ABTB2: variants seen among roughly 807,000 people sequenced by gnomAD.
ABTB2 encodes ankyrin repeat and BTB/POZ domain-containing protein 2.
ABTB2 carries 56 observed loss-of-function variants against 104.1 expected under a neutral mutation model. The ratio of observed to expected loss-of-function variants is 0.54; its 90% CI spans 0.43 to 0.67. ABTB2 has a LOEUF of 0.67. ABTB2 is among the 30% of genes least tolerant of loss of function. The probability of loss-of-function intolerance (pLI) is 0.00; values close to 1 mark genes in which losing one functional copy is unlikely to be tolerated. For synonymous variants in ABTB2, 606 were observed against 608.2 expected (o/e 1.00, Z 0.05); for missense variants, 1,279 against 1,407.7 (o/e 0.91, Z 1.46).
chr11:34,264,198 G>A (rs559681090), intron 1 of ABTB2, among the ~76,000 whole-genome samples: 1 of 152,308 alleles, frequency 6.6e-6, no homozygotes, highest in Non-Finnish European at 1.5e-5. Context: ...CCTGAATAGG[G>A]AGTATAGTGA....
intron 14 of ABTB2, among the ~76,000 whole-genome samples, chr11:34,157,683 G>A (rs1363346501): frequency 6.6e-6 from 1 of 152,138 alleles, no homozygotes; most frequent in Non-Finnish European, 1.5e-5. Context: ...GCTTATGCCA[G>A]ACCCTGGGCC....
chr11:34,166,471 G>A (rs1357676586), intron 7 of ABTB2, among the ~76,000 whole-genome samples: 1 of 152,250 alleles, frequency 6.6e-6, no homozygotes. Flanking sequence ...GGCAAAGGCG[G>A]CAGGATGTGG....
chr11:34,286,407 C>T (rs1327182308), intron 1 of ABTB2, among the ~76,000 whole-genome samples: 2 of 152,142 alleles, frequency 1.3e-5, no homozygotes, highest in African/African-American at 4.8e-5. Context: ...ATTCTCCCGC[C>T]TCAGCCTCCT....
intron 1 of ABTB2, among the ~76,000 whole-genome samples, chr11:34,269,068 C>T (rs1009964078): frequency 3.9e-5 from 6 of 152,220 alleles, no homozygotes; most frequent in African/African-American, 1.4e-4. Context: ...CTTTGTGTTT[C>T]TTGCCAGTTT....
chr11:34,208,301 A>G (rs1405758381), intron 1 of ABTB2, among the ~76,000 whole-genome samples: 2 of 152,210 alleles, frequency 1.3e-5, no homozygotes, highest in Admixed American at 6.5e-5. Context: ...AAATCCTTAG[A>G]AAAAAATTCT....
chr11:34,301,536 A>G (rs1215998449), intron 1 of ABTB2, among the ~76,000 whole-genome samples: 3 of 152,260 alleles, frequency 2.0e-5, no homozygotes, highest in African/African-American at 7.2e-5. Flanking sequence ...CTCAACACTG[A>G]AAGAAGAGAA....
chr11:34,176,032 A>G (rs2955939), intron 3 of ABTB2, among the ~76,000 whole-genome samples: 13,693 of 152,276 alleles, frequency 0.09, 645 homozygotes, highest in Admixed American at 0.11. Flanking sequence ...CTGTAATCCC[A>G]GCACTTTGGT....
intron 3 of ABTB2, among the ~76,000 whole-genome samples, chr11:34,194,580 A>G (rs1853223383): frequency 6.6e-6 from 1 of 152,206 alleles, no homozygotes; most frequent in African/African-American, 2.4e-5. Flanking sequence ...GGCCCAGCCC[A>G]GCCTGCAGTA....
intron 3 of ABTB2, among the ~76,000 whole-genome samples, chr11:34,176,279 CAAAAAAAAAAA>C (rs58009507): frequency 5.3e-5 from 4 of 74,830 alleles, no homozygotes; most frequent in South Asian, 5.5e-4. Flanking sequence ...GACTCCGTCT[CAAAAAAAAAAA>C]AAAAAAAAAA....
intron 3 of ABTB2, 51 bp from the exon 4 acceptor site, chr11:34,173,358 C>A: frequency 6.6e-7 from 1 of 1,518,450 alleles, no homozygotes; most frequent in Non-Finnish European, 8.9e-7. Context: ...CCCTGCAGGG[C>A]AGCAGAGAGA....
At chr11:34,320,402 C>T (rs978582952) in intron 1 of ABTB2, among the ~76,000 whole-genome samples, 4 of 152,176 alleles carry the variant, frequency 2.6e-5, no homozygotes, top group East Asian at 3.9e-4. Context: ...ACTCAGTGGC[C>T]GAAGCAGTCT....
chr11:34,271,998 C>T, intron 1 of ABTB2, among the ~76,000 whole-genome samples: 1 of 152,082 alleles, frequency 6.6e-6, no homozygotes, highest in Non-Finnish European at 1.5e-5. Context: ...ATCCATATAC[C>T]AGGTGCTTTT....
At chr11:34,229,901 C>T (rs982657927) in intron 1 of ABTB2, among the ~76,000 whole-genome samples, 2 of 152,172 alleles carry the variant, frequency 1.3e-5, no homozygotes, top group Non-Finnish European at 2.9e-5. Flanking sequence ...ATCTTTGGAA[C>T]GGGCCTTTAA....
At chr11:34,313,316 T>C (rs909682301) in intron 1 of ABTB2, among the ~76,000 whole-genome samples, 11 of 152,198 alleles carry the variant, frequency 7.2e-5, no homozygotes, top group African/African-American at 2.4e-4. Flanking sequence ...GAGTGTCCCA[T>C]TGGGCCGGCT....
intron 1 of ABTB2, among the ~76,000 whole-genome samples, chr11:34,330,167 C>T (rs969770836): frequency 1.3e-5 from 2 of 152,182 alleles, no homozygotes; most frequent in South Asian, 4.1e-4. Flanking sequence ...TCAAGTAAAC[C>T]CTTCTGCACT....
At chr11:34,255,983 C>G (rs185505508) in intron 1 of ABTB2, among the ~76,000 whole-genome samples, 1 of 152,290 alleles carries the variant, frequency 6.6e-6, no homozygotes, top group African/African-American at 2.4e-5. Context: ...ACTACCCAGC[C>G]CAGTTTTCAG....
At chr11:34,349,044 CT>C (rs1416668516) in intron 1 of ABTB2, among the ~76,000 whole-genome samples, 9 of 152,170 alleles carry the variant, frequency 5.9e-5, no homozygotes, top group Non-Finnish European at 7.4e-5. Flanking sequence ...CCTTATGTAT[CT>C]CCTCCCAATC....
At chr11:34,352,090 C>A (rs886704462) in intron 1 of ABTB2, among the ~76,000 whole-genome samples, 1 of 152,266 alleles carries the variant, frequency 6.6e-6, no homozygotes, top group South Asian at 2.1e-4. Flanking sequence ...CTCAATCAAC[C>A]CTTGCTGCTT....
rs116765175 is a variant in ABTB2 at position 34,221,443 on chromosome 11, T to C, written c.884-16753A>G. 6.2e-3 allele frequency among the ~76,000 whole-genome samples: 946 copies of C among 152,342 alleles called. 12 individuals are homozygous for C. The highest frequency in any genetic ancestry group is 0.021 in the African/African-American group (871 of 41,578). ...CTTGAGAGGTACATAGTTCAGCCCC[T>C]AAAGGTCAGGTTTTCTGTGACTTGC... On this transcript the variant is annotated intron_variant, in intron 1 of 16. Transcript: ENST00000435224.
Sources: gnomAD v4.1 joint callset for allele counts (sites outside exome capture counted in the v4.1 genomes callset) on GRCh38, gnomAD v4.1.1 for gene constraint, MANE v1.5 for transcripts, NCBI Gene and HGNC (gene_info 2026-07-23, HGNC 2026-07-21) for gene names.